The following PPFIBP1 variants were observed in gnomAD, a reference collection of about 807,000 sequenced individuals.
PPFIBP1 encodes PPFIB scaffold protein 1.
In PPFIBP1, 112 loss-of-function variants were observed where a neutral mutation model predicts 137.8. That is an observed-to-expected ratio of 0.81 (90% CI 0.70 to 0.95). PPFIBP1 has a LOEUF of 0.95. PPFIBP1 is among the 40% of genes least tolerant of loss of function. The pLI, the probability that PPFIBP1 is intolerant of heterozygous loss-of-function variation, is 0.00. For synonymous variants in PPFIBP1, 378 were observed against 417.3 expected (o/e 0.91, Z 1.15); for missense variants, 1,083 against 1,196.6 (o/e 0.91, Z 1.40).
intron 24 of PPFIBP1, among the ~76,000 whole-genome samples, chr12:27,684,368 C>T (rs1212287097): frequency 6.6e-6 from 1 of 152,156 alleles, no homozygotes; most frequent in Non-Finnish European, 1.5e-5. Flanking sequence ...CTCGGCCTCC[C>T]AAAGTGCTGG....
intron 4 of PPFIBP1, among the ~76,000 whole-genome samples, chr12:27,642,544 A>G (rs1314994377): frequency 6.6e-6 from 1 of 152,210 alleles, no homozygotes; most frequent in Non-Finnish European, 1.5e-5. Context: ...ACATAAAATT[A>G]TTAGTCATCT....
At chr12:27,562,705 C>T (rs2049263263) in intron 1 of PPFIBP1, among the ~76,000 whole-genome samples, 1 of 152,162 alleles carries the variant, frequency 6.6e-6, no homozygotes, top group African/African-American at 2.4e-5. Context: ...TTTTAGACTG[C>T]TAAAACTGGG....
At chr12:27,684,605 C>A (rs555276461) in intron 24 of PPFIBP1, among the ~76,000 whole-genome samples, 2 of 152,244 alleles carry the variant, frequency 1.3e-5, no homozygotes, top group African/African-American at 4.8e-5. Context: ...CCTTGATGAG[C>A]ACATCACATA....
intron 2 of PPFIBP1, among the ~76,000 whole-genome samples, chr12:27,579,797 A>G (rs2050909808): frequency 6.6e-6 from 1 of 152,190 alleles, no homozygotes; most frequent in Non-Finnish European, 1.5e-5. Context: ...GTTGAACTTT[A>G]GGTAGCCAAG....
At chr12:27,569,261 C>T (rs1232115184) in intron 1 of PPFIBP1, among the ~76,000 whole-genome samples, 2 of 152,048 alleles carry the variant, frequency 1.3e-5, no homozygotes, top group African/African-American at 4.8e-5. Context: ...TGAGCATCTC[C>T]TTCAGTATGT....
Position 27,644,244 on chromosome 12 carries a change from G to GTTTTTTTTTTTTTTTT in PPFIBP1, c.271-1808_271-1793dup, listed in dbSNP as rs3842650. 1.5e-3 allele frequency among the ~76,000 whole-genome samples: 179 copies of GTTTTTTTTTTTTTTTT among 117,714 alleles called. 4 individuals carry two copies. Among genetic ancestry groups the GTTTTTTTTTTTTTTTT allele is most frequent in the Middle Eastern group, 4.5e-3 (1 of 220 alleles). The allele number at this position is 117,714 out of a possible 152,430, so 77.2% of individuals were successfully genotyped here. A position where few individuals can be genotyped will look rare whatever the true frequency, so the allele number is the denominator to read the frequency against. ...GGCGCACACCACCAAGCTTGGCTAA[G>GTTTTTTTTTTTTTTTT]TTTTTTTTTTTTTTTTTTTTTTTTT... On this transcript the variant is annotated intron_variant, in intron 4 of 29. Coordinates refer to ENST00000228425, the MANE Select transcript of PPFIBP1 (RefSeq NM_003622.4).
intron 1 of PPFIBP1, among the ~76,000 whole-genome samples, chr12:27,575,777 A>G (rs1419016736): frequency 6.6e-6 from 1 of 152,112 alleles, no homozygotes; most frequent in African/African-American, 2.4e-5. Context: ...TTTCAGTTCG[A>G]TAATGTGTTC....
At chr12:27,542,897 T>C (rs932324877) in intron 1 of PPFIBP1, among the ~76,000 whole-genome samples, 4 of 152,158 alleles carry the variant, frequency 2.6e-5, no homozygotes, top group African/African-American at 7.2e-5. Context: ...CTCTTACACA[T>C]AGTTGAGATT....
At chr12:27,605,315 G>A (rs1245336827) in intron 2 of PPFIBP1, among the ~76,000 whole-genome samples, 2 of 152,144 alleles carry the variant, frequency 1.3e-5, no homozygotes, top group African/African-American at 2.4e-5. Flanking sequence ...AACCTACCAA[G>A]AGCAAAACTT....
chr12:27,676,107 T>C (rs562551865), intron 17 of PPFIBP1, among the ~76,000 whole-genome samples: 1 of 152,358 alleles, frequency 6.6e-6, no homozygotes, highest in East Asian at 1.9e-4. Context: ...ATGTAATGTC[T>C]CCATGTCTTT....
chr12:27,546,303 C>T (rs151318444), intron 1 of PPFIBP1, among the ~76,000 whole-genome samples: 2,139 of 152,244 alleles, frequency 0.014, 152 homozygotes, highest in Admixed American at 0.13. Flanking sequence ...ATTGTTAGAA[C>T]GATACCAGCC....
At chr12:27,665,727 ACACT>A (rs1413023013) in intron 12 of PPFIBP1, among the ~76,000 whole-genome samples, 2 of 152,208 alleles carry the variant, frequency 1.3e-5, no homozygotes, top group Non-Finnish European at 2.9e-5. Flanking sequence ...TCCCCATGAA[ACACT>A]CAGATTTTGA....
At chr12:27,633,916 C>T (rs1349405975) in intron 3 of PPFIBP1, among the ~76,000 whole-genome samples, 1 of 148,348 alleles carries the variant, frequency 6.7e-6, no homozygotes, top group African/African-American at 2.5e-5. Context: ...CAGCTCACTG[C>T]AACCTCCGCC....
chr12:27,581,593 G>T (rs527310481), intron 2 of PPFIBP1, among the ~76,000 whole-genome samples: 12 of 152,276 alleles, frequency 7.9e-5, no homozygotes, highest in African/African-American at 2.9e-4. Flanking sequence ...CCTTTTCTCT[G>T]TACCCTTTTT....
At position 27,682,597 on chromosome 12, in the gene PPFIBP1, C is replaced by T. The variant is rs773071710; in HGVS notation, c.2159-18C>T. Reference sequence around the variant, plus strand: ...GATGTTTTGTGGCATGGTAGCAACACTGGCCTCTCTCTTTTAGGATGGTTG... The same window carrying T: ...GATGTTTTGTGGCATGGTAGCAACATTGGCCTCTCTCTTTTAGGATGGTTG... On this transcript the variant is annotated intron_variant, in intron 23 of 29. Coordinates refer to ENST00000228425, the MANE Select transcript of PPFIBP1 (RefSeq NM_003622.4). The T allele has an allele frequency of 1.2e-6, 2 of 1,613,854 alleles. No individual in the cohort carries two copies. The highest frequency in any genetic ancestry group is 1.7e-6 in the Non-Finnish European group (2 of 1,179,740).
At chr12:27,536,754 C>G (rs1296464695) in intron 1 of PPFIBP1, among the ~76,000 whole-genome samples, 7 of 152,152 alleles carry the variant, frequency 4.6e-5, no homozygotes. Context: ...AACGCAAATT[C>G]AAAATTATTA....
At chr12:27,592,754 A>C (rs1481694857) in intron 2 of PPFIBP1, 1 of 878,654 alleles carries the variant, frequency 1.1e-6, no homozygotes, top group East Asian at 2.4e-5. Flanking sequence ...ATCATCTGCC[A>C]AGAAAATAAA....
chr12:27,592,468 T>C (rs2052639455), intron 2 of PPFIBP1: 2 of 1,057,042 alleles, frequency 1.9e-6, no homozygotes. Context: ...CTATATAGGA[T>C]GTCCTAATTC....
chr12:27,534,216 G>A (rs1420541880), intron 1 of PPFIBP1, among the ~76,000 whole-genome samples: 1 of 152,160 alleles, frequency 6.6e-6, no homozygotes, highest in African/African-American at 2.4e-5. Context: ...ATCAAGTGGA[G>A]GGCAGTGGGT....
Sources: gnomAD v4.1 joint callset for allele counts (sites outside exome capture counted in the v4.1 genomes callset) on GRCh38, gnomAD v4.1.1 for gene constraint, MANE v1.5 for transcripts, NCBI Gene and HGNC (gene_info 2026-07-23, HGNC 2026-07-21) for gene names.